The following PRKN variants were observed in gnomAD, a reference collection of about 807,000 sequenced individuals.
PRKN encodes the protein parkin RBR E3 ubiquitin protein ligase.
PRKN carries 56 observed loss-of-function variants against 59.5 expected under a neutral mutation model. That is an observed-to-expected ratio of 0.94 (90% CI 0.76 to 1.18). PRKN has a LOEUF of 1.18. Ranked by LOEUF, PRKN falls within the 50% of genes most tolerant of loss-of-function variation. The pLI is 0.00. For missense variants in PRKN, 657 were observed against 596.4 expected (o/e 1.10, Z -1.06); for synonymous variants, 250 against 222.1 (o/e 1.13, Z -1.12).
At chr6:162,290,021 A>G (rs925993826) in intron 2 of PRKN, among the ~76,000 whole-genome samples, 3 of 152,132 alleles carry the variant, frequency 2.0e-5, no homozygotes, top group Non-Finnish European at 4.4e-5. Context: ...AAATAGAGAA[A>G]GTTTCATTTC....
intron 1 of PRKN, among the ~76,000 whole-genome samples, chr6:162,681,046 C>T (rs1400093037): frequency 5.4e-5 from 8 of 148,952 alleles, no homozygotes; most frequent in Non-Finnish European, 1.5e-5. Context: ...GAAAATCTCT[C>T]GTTTGGCCTC....
chr6:161,930,438 A>G (rs2128240777), intron 6 of PRKN, among the ~76,000 whole-genome samples: 1 of 152,372 alleles, frequency 6.6e-6, no homozygotes, highest in South Asian at 2.1e-4. Context: ...ACAAGTCATC[A>G]TGGATCACAG....
chr6:161,781,466 C>T (rs1309539886), intron 7 of PRKN, among the ~76,000 whole-genome samples: 1 of 152,100 alleles, frequency 6.6e-6, no homozygotes, highest in Non-Finnish European at 1.5e-5. Context: ...CATTGGCATA[C>T]TGAATTTAAA....
intron 3 of PRKN, among the ~76,000 whole-genome samples, chr6:162,209,333 G>A (rs1785091967): frequency 6.6e-6 from 1 of 152,258 alleles, no homozygotes; most frequent in East Asian, 1.9e-4. Context: ...CAGCTATGCA[G>A]CCAACAGACA....
chr6:162,263,867 T>A (rs1043795847), intron 2 of PRKN, among the ~76,000 whole-genome samples: 2 of 151,814 alleles, frequency 1.3e-5, no homozygotes, highest in Non-Finnish European at 2.9e-5. Flanking sequence ...GGCAGGAGGA[T>A]CACTTGAACG....
At chr6:162,608,197 A>T (rs969305377) in intron 1 of PRKN, among the ~76,000 whole-genome samples, 1 of 152,204 alleles carries the variant, frequency 6.6e-6, no homozygotes, top group Non-Finnish European at 1.5e-5. Flanking sequence ...TCAGGTGGAG[A>T]AAAGAAAAAG....
chr6:162,433,143 T>A (rs1252055626), intron 2 of PRKN, among the ~76,000 whole-genome samples: 1 of 152,220 alleles, frequency 6.6e-6, no homozygotes, highest in African/African-American at 2.4e-5. Context: ...ATTTTCTTTG[T>A]GAATTATTCA....
intron 1 of PRKN, among the ~76,000 whole-genome samples, chr6:162,475,051 T>C (rs1334184964): frequency 1.3e-5 from 2 of 152,198 alleles, no homozygotes; most frequent in Non-Finnish European, 2.9e-5. Context: ...CAAGGAATCA[T>C]ATTTACCTTC....
intron 1 of PRKN, among the ~76,000 whole-genome samples, chr6:162,654,626 A>C (rs1195102197): frequency 6.6e-6 from 1 of 152,304 alleles, no homozygotes; most frequent in African/African-American, 2.4e-5. Context: ...TGATTCATTC[A>C]AGAGAAAACA....
chr6:161,988,676 T>A (rs1781530337), intron 5 of PRKN, among the ~76,000 whole-genome samples: 1 of 152,014 alleles, frequency 6.6e-6, no homozygotes, highest in Non-Finnish European at 1.5e-5. Flanking sequence ...ATGGAAATCA[T>A]GAGTGAAAGC....
chr6:162,057,341 A>G (rs1176277203), intron 4 of PRKN, among the ~76,000 whole-genome samples: 2 of 152,214 alleles, frequency 1.3e-5, no homozygotes, highest in Non-Finnish European at 2.9e-5. Flanking sequence ...ACAATATAAA[A>G]GCAAAAACAG....
At chr6:162,648,475 G>A (rs1274137773) in intron 1 of PRKN, among the ~76,000 whole-genome samples, 3 of 151,300 alleles carry the variant, frequency 2.0e-5, no homozygotes, top group Non-Finnish European at 2.9e-5. Context: ...TCCGCCCGCC[G>A]GGTTCAAGTG....
chr6:161,853,358 G>A (rs1038447115), intron 6 of PRKN, among the ~76,000 whole-genome samples: 1 of 152,136 alleles, frequency 6.6e-6, no homozygotes, highest in African/African-American at 2.4e-5. Flanking sequence ...ATGGACTAGT[G>A]CGGCTACAGT....
rs574037352 is a variant in PRKN at position 162,308,304 on chromosome 6, G to C, written c.172-45539C>G. 3.7e-4 allele frequency among the ~76,000 whole-genome samples: 56 copies of C among 152,116 alleles called. 1 individual carries two copies. Among genetic ancestry groups the C allele is most frequent in the Admixed American group, 3.6e-3 (55 of 15,276 alleles). On this transcript the variant is annotated intron_variant, in intron 2 of 11. Transcript: ENST00000366898. ...AAGAAAGAAAAGTCAAAAATAGAAGGGGAAAAAAAACTTTTTGTGGGAAGA... is the reference window on the plus strand; with the variant it reads ...AAGAAAGAAAAGTCAAAAATAGAAGCGGAAAAAAAACTTTTTGTGGGAAGA...
rs763702493 is a variant in PRKN at position 161,525,617 on chromosome 6, C to T, written c.1083+23237G>A. On this transcript the variant is annotated intron_variant, in intron 9 of 11. Coordinates refer to ENST00000366898, the MANE Select transcript of PRKN (RefSeq NM_004562.3). The surrounding 1 kb of genome is among the most constrained non-coding windows in gnomAD (Gnocchi z 4.7). ...TGAGAAGGCTGTAGGAGGCAGTTCC[C>T]GGAGCCTAAGTATTAAAATATGAAC... 3.9e-5 allele frequency among the ~76,000 whole-genome samples: 6 copies of T among 152,058 alleles called. No individual in the cohort carries two copies. Among genetic ancestry groups the T allele is most frequent in the Non-Finnish European group, 5.9e-5 (4 of 68,012 alleles).
At chr6:161,638,516 G>C (rs1446369138) in intron 7 of PRKN, among the ~76,000 whole-genome samples, 1 of 152,134 alleles carries the variant, frequency 6.6e-6, no homozygotes, top group African/African-American at 2.4e-5. Flanking sequence ...CAGAGGCTCA[G>C]AGAATGACTT....
intron 4 of PRKN, among the ~76,000 whole-genome samples, chr6:162,100,376 C>T (rs887500617): frequency 1.3e-5 from 2 of 152,026 alleles, no homozygotes; most frequent in Non-Finnish European, 2.9e-5. Context: ...TTTACATTCC[C>T]ACCAACAGTG....
chr6:162,718,891 AG>A (rs1264939337), intron 1 of PRKN, among the ~76,000 whole-genome samples: 3 of 152,174 alleles, frequency 2.0e-5, no homozygotes, highest in Non-Finnish European at 4.4e-5. Context: ...ATGATATAAA[AG>A]TCAATACCTA....
intron 9 of PRKN, among the ~76,000 whole-genome samples, chr6:161,491,541 TAA>T (rs1477422299): frequency 6.6e-6 from 1 of 152,170 alleles, no homozygotes; most frequent in African/African-American, 2.4e-5. Context: ...GCATATTAGG[TAA>T]AGACACACAT....
Sources: gnomAD v4.1 joint callset for allele counts (sites outside exome capture counted in the v4.1 genomes callset) on GRCh38, gnomAD v4.1.1 for gene constraint, Gnocchi (gnomAD v3.1) non-coding constraint, MANE v1.5 for transcripts, NCBI Gene and HGNC (gene_info 2026-07-23, HGNC 2026-07-21) for gene names.